CNTNAP2: variants seen among roughly 807,000 people sequenced by gnomAD.
The protein encoded by CNTNAP2 is contactin associated protein 2.
CNTNAP2 carries 98 observed loss-of-function variants against 155.2 expected under a neutral mutation model. The ratio of observed to expected loss-of-function variants is 0.63; its 90% CI spans 0.54 to 0.75. The LOEUF (loss-of-function observed/expected upper bound fraction) is 0.75, where lower values mean the gene tolerates loss of function less well. CNTNAP2 is among the 30% of genes least tolerant of loss of function. CNTNAP2 has a pLI of 0.00. For missense variants in CNTNAP2, 1,727 were observed against 1,688.1 expected, an observed-to-expected ratio of 1.02 and a Z score of -0.40; for synonymous variants, 651 against 631.2, an observed-to-expected ratio of 1.03 and a Z score of -0.47.
chr7:146,137,135 A>G lies in CNTNAP2; in HGVS notation c.97+20162A>G, dbSNP rs1797809486. Among the ~76,000 whole-genome samples the G allele has an allele frequency of 3.3e-5, 5 of 152,194 alleles. No individual in the cohort carries two copies. The South Asian group carries it at 1.0e-3, about 31-fold the overall frequency. On this transcript the variant is annotated intron_variant, in intron 1 of 23. Transcript: ENST00000361727. ...TTTCTTGGGGTATCCTTTATAGAGT[A>G]GCCTTTGTCAAGTCTCATAAAAACA...
At position 146,483,316 on chromosome 7, in the gene CNTNAP2, T is replaced by C. The variant is rs1381689756; in HGVS notation, c.98-290955T>C. 5.6e-5 allele frequency among the ~76,000 whole-genome samples: 5 copies of C among 89,752 alleles called. 1 individual carries two copies. The highest frequency in any genetic ancestry group is 2.7e-4 in the African/African-American group (5 of 18,846). 58.9% of individuals were successfully genotyped at this position (89,752 alleles called of 152,430 possible). On this transcript the variant is annotated intron_variant, in intron 1 of 23. Transcript: ENST00000361727. ...ATATATATATATATATATATATATA[T>C]ATATATATATATACATATATATATA...
chr7:147,800,568 C>G (rs1164662582), intron 13 of CNTNAP2, among the ~76,000 whole-genome samples: 1 of 152,010 alleles, frequency 6.6e-6, no homozygotes, highest in Non-Finnish European at 1.5e-5. Context: ...TTGCCATGAG[C>G]CTTAGTCTAT....
At chr7:147,223,454 A>G (rs149422670) in intron 8 of CNTNAP2, among the ~76,000 whole-genome samples, 1 of 152,246 alleles carries the variant, frequency 6.6e-6, no homozygotes, top group South Asian at 2.1e-4. Context: ...TCTGCATGCA[A>G]CTTATGTCAC....
intron 13 of CNTNAP2, among the ~76,000 whole-genome samples, chr7:147,746,566 C>T (rs1160421092): frequency 6.6e-6 from 1 of 152,048 alleles, no homozygotes; most frequent in Non-Finnish European, 1.5e-5. Context: ...AGTTCCTCTG[C>T]TTGTACCACC....
intron 21 of CNTNAP2, among the ~76,000 whole-genome samples, chr7:148,289,001 T>G (rs1186591649): frequency 6.6e-6 from 1 of 150,776 alleles, no homozygotes; most frequent in Non-Finnish European, 1.5e-5. Flanking sequence ...TATTGAATTT[T>G]TGAATACACA....
chr7:148,163,974 G>T (rs186087897), intron 17 of CNTNAP2, among the ~76,000 whole-genome samples: 298 of 152,292 alleles, frequency 2.0e-3, no homozygotes, highest in African/African-American at 6.4e-3. Flanking sequence ...TTGTTCTGTT[G>T]CCCAGGCTGG....
In CNTNAP2 at chr7:147,820,939, T is replaced by C. The variant is rs187943948; in HGVS notation, c.2099-82626T>C. ...TTATGGTAAGCTCTTTAGGTACTAATGTGGAAGTATCTTTAAAACAGAGTG... is the reference window on the plus strand; with the variant it reads ...TTATGGTAAGCTCTTTAGGTACTAACGTGGAAGTATCTTTAAAACAGAGTG... On this transcript the variant is annotated intron_variant, in intron 13 of 23. Transcript: ENST00000361727. Among the ~76,000 whole-genome samples, 29 of 152,244 alleles carry C rather than the reference T, an allele frequency of 1.9e-4. No individual in the cohort carries two copies. In the East Asian group the frequency reaches 4.2e-3, roughly 22 times the overall value.
intron 1 of CNTNAP2, among the ~76,000 whole-genome samples, chr7:146,536,426 A>G (rs1797869594): frequency 6.6e-6 from 1 of 152,080 alleles, no homozygotes; most frequent in South Asian, 2.1e-4. Flanking sequence ...CCAAAGGAAG[A>G]AAAACAGGAA....
chr7:146,799,743 C>T (rs1012111913), intron 2 of CNTNAP2, among the ~76,000 whole-genome samples: 1 of 152,156 alleles, frequency 6.6e-6, no homozygotes. Context: ...CTGAACCTTT[C>T]TCTGCTGCTA....
At chr7:148,269,083 C>T (rs1324348180) in intron 21 of CNTNAP2, among the ~76,000 whole-genome samples, 1 of 152,004 alleles carries the variant, frequency 6.6e-6, no homozygotes, top group African/African-American at 2.4e-5. Context: ...ACACACCAGT[C>T]CGGCTGGAGA....
intron 12 of CNTNAP2, among the ~76,000 whole-genome samples, chr7:147,575,512 T>TGTGTGG (rs1800381948): frequency 4.7e-5 from 1 of 21,150 alleles, no homozygotes; most frequent in African/African-American, 1.6e-4. Context: ...GGTATACAAC[T>TGTGTGG]GTGTGTGTGT....
intron 21 of CNTNAP2, among the ~76,000 whole-genome samples, chr7:148,326,864 CAAAA>C (rs200129283): frequency 7.7e-6 from 1 of 129,080 alleles, no homozygotes; most frequent in Non-Finnish European, 1.7e-5. Context: ...GACCCCGTCT[CAAAA>C]AAAAAAAAAA....
chr7:147,137,184 A>AC (rs1801499843), intron 8 of CNTNAP2, among the ~76,000 whole-genome samples: 1 of 151,448 alleles, frequency 6.6e-6, no homozygotes, highest in Non-Finnish European at 1.5e-5. Flanking sequence ...GATTTTAAAG[A>AC]GTGTATTTTT....
intron 4 of CNTNAP2, among the ~76,000 whole-genome samples, chr7:147,072,242 T>C (rs569917832): frequency 4.6e-5 from 7 of 151,688 alleles, no homozygotes; most frequent in Admixed American, 2.0e-4. Context: ...AGCACCGAGA[T>C]TGAAGGGTGA....
At chr7:146,700,560 C>A (rs955059028) in intron 1 of CNTNAP2, among the ~76,000 whole-genome samples, 1 of 151,898 alleles carries the variant, frequency 6.6e-6, no homozygotes, top group African/African-American at 2.4e-5. Flanking sequence ...CTACCTGTGA[C>A]AATGAAAAAG....
chr7:148,199,784 G>A (rs925642928), intron 18 of CNTNAP2, among the ~76,000 whole-genome samples: 2 of 152,200 alleles, frequency 1.3e-5, no homozygotes, highest in African/African-American at 4.8e-5. Context: ...TACATAAGAG[G>A]GGGTTTCTTA....
intron 10 of CNTNAP2, among the ~76,000 whole-genome samples, chr7:147,473,167 A>T (rs562423965): frequency 2.0e-4 from 31 of 152,290 alleles, no homozygotes; most frequent in Middle Eastern, 3.4e-3. Context: ...TTCAGGTTGG[A>T]GTTGACTGAA....
intron 13 of CNTNAP2, among the ~76,000 whole-genome samples, chr7:147,789,095 A>C (rs888668207): frequency 1.3e-5 from 2 of 151,284 alleles, no homozygotes; most frequent in Admixed American, 6.6e-5. Flanking sequence ...TTAGTAGGGA[A>C]GGGGTTTCAC....
intron 13 of CNTNAP2, among the ~76,000 whole-genome samples, chr7:147,838,965 G>C (rs1032081109): frequency 6.6e-6 from 1 of 152,092 alleles, no homozygotes; most frequent in Non-Finnish European, 1.5e-5. Context: ...TAAGAGTATT[G>C]ACTCACATGA....
Sources: allele counts gnomAD v4.1 joint callset (sites outside exome capture counted in the v4.1 genomes callset), GRCh38; gene constraint gnomAD v4.1.1; transcripts MANE v1.5; gene names NCBI Gene and HGNC (gene_info 2026-07-23, HGNC 2026-07-21).